The following SVEP1 variants were observed in gnomAD, a reference collection of about 807,000 sequenced individuals.
SVEP1 encodes sushi, von Willebrand factor type A, EGF and pentraxin domain containing 1, also known as sushi, von Willebrand factor type A, EGF and pentraxin domain-containing protein 1.
SVEP1 carries 164 observed loss-of-function variants against 367.3 expected under a neutral mutation model. The observed-to-expected ratio is 0.45, with a 90% CI of 0.39 to 0.51. The LOEUF is 0.51. Among genes scored for constraint, SVEP1 ranks in the 20% least tolerant of loss-of-function variants. SVEP1 has a pLI of 0.00. For synonymous variants in SVEP1, 1,666 were observed against 1,611.6 expected (o/e 1.03, Z -0.81); for missense variants, 4,117 against 4,425.3 (o/e 0.93, Z 1.98).
intron 5 of SVEP1, among the ~76,000 whole-genome samples, chr9:110,504,628 G>C (rs1378808826): frequency 1.3e-5 from 2 of 152,154 alleles, no homozygotes; most frequent in Admixed American, 6.5e-5. Context: ...GAAAAATGAA[G>C]CCTTAATTGG....
intron 40 of SVEP1, among the ~76,000 whole-genome samples, chr9:110,390,065 G>GTATA (rs1410718985): frequency 1.3e-3 from 136 of 103,884 alleles, no homozygotes; most frequent in African/African-American, 4.7e-3. Context: ...ATATATATAA[G>GTATA]TATATATATA....
At chr9:110,397,058 G>C (rs1382925296) in intron 40 of SVEP1, among the ~76,000 whole-genome samples, 5 of 151,770 alleles carry the variant, frequency 3.3e-5, no homozygotes, top group African/African-American at 7.3e-5. Flanking sequence ...AATTTTAGAT[G>C]AATATCCTTG....
At chr9:110,414,867 G>T (rs969677465) in intron 36 of SVEP1, among the ~76,000 whole-genome samples, 1 of 151,956 alleles carries the variant, frequency 6.6e-6, no homozygotes, top group Non-Finnish European at 1.5e-5. Flanking sequence ...CAATCATAAA[G>T]ATTTTTGTCT....
At chr9:110,549,324 G>A (rs1032187752) in intron 2 of SVEP1, among the ~76,000 whole-genome samples, 3 of 152,066 alleles carry the variant, frequency 2.0e-5, no homozygotes, top group Non-Finnish European at 4.4e-5. Flanking sequence ...TGATACATTT[G>A]CTGATTTCCT....
At chr9:110,428,106 GAAAGAC>G (rs530746713) in intron 35 of SVEP1, among the ~76,000 whole-genome samples, 14 of 152,248 alleles carry the variant, frequency 9.2e-5, no homozygotes, top group African/African-American at 3.4e-4. Flanking sequence ...CCAGCAGGAA[GAAAGAC>G]ACTCACCTAA....
At chr9:110,514,826 A>G (rs902330765) in intron 3 of SVEP1, among the ~76,000 whole-genome samples, 2 of 152,152 alleles carry the variant, frequency 1.3e-5, no homozygotes, top group African/African-American at 2.4e-5. Flanking sequence ...TGTGCACCTC[A>G]TCTCTAGCAC....
chr9:110,407,666 T>G lies in SVEP1; in HGVS notation c.7934A>C (p.Tyr2645Ser), dbSNP rs763483724. 1 of 1,614,044 alleles carries G rather than the reference T, an allele frequency of 6.2e-7. No homozygotes were observed. Among genetic ancestry groups the G allele is most frequent in the Non-Finnish European group, 8.5e-7 (1 of 1,179,902 alleles). ...EQEDDMMEVP[Y>S]VTPHPPYHLG... ...ATGATAAGGAGGGTGAGGAGTCACA[T>G]ATGGAACTTCCATCATGTCGTCTTC... Residue 2645 changes from tyrosine (Y) to serine (S), a missense_variant, in exon 38 of 48, where the codon TAT (tyrosine) becomes TCT (serine). Physicochemically the swap from Tyr to Ser is moderately radical, Grantham distance 144. Coordinates refer to ENST00000374469, the MANE Select transcript of SVEP1 (RefSeq NM_153366.4).
At chr9:110,372,374 C>T (rs1827291477) in intron 46 of SVEP1, among the ~76,000 whole-genome samples, 1 of 152,088 alleles carries the variant, frequency 6.6e-6, no homozygotes, top group Admixed American at 6.6e-5. Flanking sequence ...GGCAGGAGCC[C>T]CTGTTTTATA....
rs778612632 is a variant in SVEP1, at chr9:110,489,711, T to C, written c.1869A>G (p.Val623=). ...YLFPIGDVAI[V]YTATDLSGNQ... ...TGCCGGATAGGTCAGTTGCCGTGTA[T>C]ACGATAGCAACATCTCCAATTGGGA... Residue 623 remains valine, a synonymous_variant, in exon 9 of 48, where the codon GTA becomes GTG. Transcript: ENST00000374469. 1.2e-6 allele frequency: 2 copies of C among 1,613,588 alleles called. No homozygotes were observed. The highest frequency in any genetic ancestry group is 2.2e-5 in the East Asian group (1 of 44,868).
At position 110,377,302 on chromosome 9, in the gene SVEP1, T is replaced by C. The variant is rs1457779691; in HGVS notation, c.10473A>G (p.Pro3491=). The C allele has an allele frequency of 6.2e-7, 1 of 1,613,674 alleles. No homozygotes were observed. Among genetic ancestry groups the C allele is most frequent in the African/African-American group, 1.3e-5 (1 of 74,932 alleles). Residue 3491 remains proline (P), a synonymous_variant, in exon 45 of 48, where the codon CCA becomes CCG. Coordinates refer to ENST00000374469, the MANE Select transcript of SVEP1 (RefSeq NM_153366.4). ...CACAGAGGCGCCCCATCCAGCCCTCTGGACAGGAACAAGCATTTGGGCGTT... is the reference window on the plus strand; with the variant it reads ...CACAGAGGCGCCCCATCCAGCCCTCCGGACAGGAACAAGCATTTGGGCGTT... ...ICQRPNACSC[P]EGWMGRLCEE...
At chr9:110,547,071 T>C (rs1830229763) in intron 2 of SVEP1, among the ~76,000 whole-genome samples, 1 of 152,030 alleles carries the variant, frequency 6.6e-6, no homozygotes, top group Non-Finnish European at 1.5e-5. Flanking sequence ...TTCAAGTGGG[T>C]GAGTTCCAGC....
At chr9:110,540,128 A>T (rs1830125842) in intron 3 of SVEP1, among the ~76,000 whole-genome samples, 1 of 152,134 alleles carries the variant, frequency 6.6e-6, no homozygotes, top group South Asian at 2.1e-4. Context: ...TGTTATTATT[A>T]TCAGTTATTG....
intron 1 of SVEP1, among the ~76,000 whole-genome samples, chr9:110,577,893 G>C (rs1830644688): frequency 6.6e-6 from 1 of 152,126 alleles, no homozygotes. Flanking sequence ...ATGTGTATTT[G>C]CTAAAATGAT....
At chr9:110,433,286 G>A (rs530598304) in intron 30 of SVEP1, among the ~76,000 whole-genome samples, 3 of 147,304 alleles carry the variant, frequency 2.0e-5, no homozygotes, top group African/African-American at 7.6e-5. Context: ...ACTGTTCTAG[G>A]TGCTGGAGTT....
chr9:110,458,123 C>A (rs757920962), intron 20 of SVEP1: 6 of 506,128 alleles, frequency 1.2e-5, no homozygotes, highest in South Asian at 7.9e-5. Context: ...ACTCTGCCTG[C>A]CAATTAGAAA....
chr9:110,554,562 G>T (rs1438084582), intron 1 of SVEP1, among the ~76,000 whole-genome samples: 1 of 152,174 alleles, frequency 6.6e-6, no homozygotes, highest in Non-Finnish European at 1.5e-5. Flanking sequence ...AGAAAACAAA[G>T]ATGCTGTTCA....
chr9:110,539,255 G>C, intron 3 of SVEP1, among the ~76,000 whole-genome samples: 1 of 152,086 alleles, frequency 6.6e-6, no homozygotes, highest in East Asian at 1.9e-4. Context: ...TGATGGGAAA[G>C]GGAGCCAGAA....
chr9:110,429,154 A>G lies in SVEP1; in HGVS notation c.5796T>C (p.Asp1932=). 1.3e-6 allele frequency: 2 copies of G among 1,591,792 alleles called. No individual in the cohort carries two copies. The highest frequency in any genetic ancestry group is 1.1e-5 in the South Asian group (1 of 87,050). Residue 1932 remains aspartate, a synonymous_variant, in exon 35 of 48, where the codon GAT becomes GAC. Coordinates refer to ENST00000374469, the MANE Select transcript of SVEP1 (RefSeq NM_153366.4). ...TCTACAAATGTTACCTGTATCCTGT[A>G]TCGCATGAATATGATGCAGTAGAAA... The part of the protein sequence containing the change: ...TYLSTASYSC[D]TGYSLQGPSI...
chr9:110,452,494 G>A (rs1430203881), intron 22 of SVEP1, among the ~76,000 whole-genome samples: 2 of 152,160 alleles, frequency 1.3e-5, no homozygotes, highest in African/African-American at 4.8e-5. Flanking sequence ...GGCAGACGGT[G>A]GAGAGGAAAG....
Sources: allele counts gnomAD v4.1 joint callset (sites outside exome capture counted in the v4.1 genomes callset), GRCh38; gene constraint gnomAD v4.1.1; transcripts MANE v1.5; gene names NCBI Gene and HGNC (gene_info 2026-07-23, HGNC 2026-07-21).